Variants in SEC22A observed in about 807,000 individuals in gnomAD.
SEC22A encodes the protein SEC22 homolog A, vesicle trafficking protein, also known as vesicle-trafficking protein SEC22a.
Under a neutral mutation model 35.3 loss-of-function variants are expected in SEC22A, and 22 were observed. The observed-to-expected ratio is 0.62, with a 90% CI of 0.45 to 0.89. The LOEUF (loss-of-function observed/expected upper bound fraction) is 0.89. SEC22A is among the 40% of genes least tolerant of loss of function. SEC22A has a pLI of 0.00. For synonymous variants in SEC22A, 119 were observed against 129.5 expected (o/e 0.92, Z 0.55); for missense variants, 354 against 362.5 (o/e 0.98, Z 0.19).
At chr3:123,246,652 T>G (rs1011314181) in intron 5 of SEC22A, among the ~76,000 whole-genome samples, 1 of 152,352 alleles carries the variant, frequency 6.6e-6, no homozygotes, top group Non-Finnish European at 1.5e-5. Flanking sequence ...ATTTTTTCTC[T>G]TATGCTTTTT....
At position 123,245,919 on chromosome 3, in the gene SEC22A, G is replaced by C; in HGVS notation, c.562G>C (p.Ala188Pro). ...TCCAGCTCACCAGCGACTGGAACCAGCAACTCTGTCAGGGATTGTAGGATT... is the reference window on the plus strand; with the variant it reads ...TCCAGCTCACCAGCGACTGGAACCACCAACTCTGTCAGGGATTGTAGGATT... Reference protein sequence around the residue: ...ISSAHQRLEPATLSGIVGFIL... With the variant: ...ISSAHQRLEPPTLSGIVGFIL... The change falls in exon 5 of 7, where the codon GCA becomes CCA. Residue 188 changes from alanine to proline, a missense_variant. Ala to Pro is a conservative substitution (Grantham distance 27). Coordinates refer to ENST00000492595, the MANE Select transcript of SEC22A (RefSeq NM_012430.5). The C allele has an allele frequency of 6.2e-7, 1 of 1,608,404 alleles. No homozygotes were observed. Among genetic ancestry groups the C allele is most frequent in the Non-Finnish European group, 8.5e-7 (1 of 1,175,762 alleles).
chr3:123,227,114 G>A (rs1371533658), intron 4 of SEC22A, among the ~76,000 whole-genome samples: 1 of 151,952 alleles, frequency 6.6e-6, no homozygotes, highest in Non-Finnish European at 1.5e-5. Context: ...CAACAGTTGT[G>A]AAATGATATA....
intron 6 of SEC22A, 119 bp from the exon 7 acceptor site, chr3:123,271,403 T>TA: frequency 1.3e-6 from 1 of 749,088 alleles, no homozygotes; most frequent in Non-Finnish European, 2.2e-6. Context: ...TATCCCTAGA[T>TA]AAAAAATAAC....
chr3:123,233,336 G>A (rs1001343751), intron 4 of SEC22A, among the ~76,000 whole-genome samples: 2 of 152,096 alleles, frequency 1.3e-5, no homozygotes, highest in African/African-American at 4.8e-5. Flanking sequence ...GGAGCAATAG[G>A]CTATACCATA....
At chr3:123,213,643 CAG>C (rs1936976707) in intron 2 of SEC22A, among the ~76,000 whole-genome samples, 1 of 152,022 alleles carries the variant, frequency 6.6e-6, no homozygotes, top group African/African-American at 2.4e-5. Context: ...CTCTTTATAA[CAG>C]GGTTGTAACT....
chr3:123,250,075 A>G (rs1937598826), intron 5 of SEC22A, among the ~76,000 whole-genome samples: 1 of 152,180 alleles, frequency 6.6e-6, no homozygotes, highest in African/African-American at 2.4e-5. Flanking sequence ...TAAAAAGTCT[A>G]TTTTAAAAAT....
chr3:123,203,800 T>C (rs2041625407), intron 1 of SEC22A, among the ~76,000 whole-genome samples: 1 of 152,100 alleles, frequency 6.6e-6, no homozygotes, highest in South Asian at 2.1e-4. Flanking sequence ...AAAATGGTGG[T>C]TTTACCTACC....
chr3:123,218,310 C>T (rs1470285040), intron 2 of SEC22A, among the ~76,000 whole-genome samples: 1 of 152,042 alleles, frequency 6.6e-6, no homozygotes, highest in Non-Finnish European at 1.5e-5. Flanking sequence ...AAAAGAAAAG[C>T]AGTACCAGTA....
chr3:123,229,701 A>G lies in SEC22A; in HGVS notation c.541+4404A>G, dbSNP rs186421915. The stretch of plus-strand genomic sequence containing the variant: ...ACATGGTGAAACCCCGTCTCTACCT[A>G]AAATACAAAAATTAGCTGAGCATGG... On this transcript the variant is annotated intron_variant, in intron 4 of 6. Coordinates refer to ENST00000492595, the MANE Select transcript of SEC22A (RefSeq NM_012430.5). 2.6e-3 allele frequency among the ~76,000 whole-genome samples: 396 copies of G among 152,142 alleles called. 2 individuals carry two copies. The highest frequency in any genetic ancestry group is 9.2e-3 in the African/African-American group (380 of 41,504).
intron 5 of SEC22A, among the ~76,000 whole-genome samples, chr3:123,251,246 T>G (rs1937610400): frequency 6.6e-6 from 1 of 152,196 alleles, no homozygotes; most frequent in Non-Finnish European, 1.5e-5. Context: ...TGGTGGAGTG[T>G]GAAAGAAGCA....
chr3:123,255,721 T>G (rs1333876567), intron 5 of SEC22A, among the ~76,000 whole-genome samples: 2 of 152,158 alleles, frequency 1.3e-5, no homozygotes, highest in Admixed American at 1.3e-4. Flanking sequence ...TCTAAAAATA[T>G]GTAGGAGTTT....
At chr3:123,207,268 G>C (rs1352758441) in intron 1 of SEC22A, among the ~76,000 whole-genome samples, 1 of 152,148 alleles carries the variant, frequency 6.6e-6, no homozygotes, top group African/African-American at 2.4e-5. Context: ...TCACACAGCA[G>C]TGAAAACTAT....
rs568278097 is a variant in SEC22A at position 123,273,086 on chromosome 3, A to G, written c.*1364A>G. The G allele has an allele frequency of 3.3e-5, 5 of 153,296 alleles. No individual in the cohort carries two copies. In the South Asian group the frequency reaches 1.0e-3, roughly 32 times the overall value. The allele number at this position is 153,296 out of a possible 1,614,324, so 9.5% of individuals were successfully genotyped here. ...TTTTCCTTTGTTTTTTAAAGAAAAT[A>G]TTTCAAACAAGGAATTCATAGGATA... On this transcript the variant is annotated 3_prime_UTR_variant, in exon 7 of 7. Coordinates refer to ENST00000492595, the MANE Select transcript of SEC22A (RefSeq NM_012430.5).
chr3:123,215,857 C>T (rs557578385), intron 2 of SEC22A, among the ~76,000 whole-genome samples: 1 of 152,194 alleles, frequency 6.6e-6, no homozygotes, highest in Non-Finnish European at 1.5e-5. Flanking sequence ...GAAATACCAC[C>T]CCCCTCTTTT....
rs184320938 is a variant in SEC22A, at chr3:123,258,519, G to A, written c.658-1005G>A. ...GGTGTTGGCCTTCCTTGCCTCTGGG[G>A]TGCAACTGGCCTGAGCATCCCAGGC... On this transcript the variant is annotated intron_variant, in intron 5 of 6. Coordinates refer to ENST00000492595, the MANE Select transcript of SEC22A (RefSeq NM_012430.5). Among the ~76,000 whole-genome samples, 322 of 152,222 alleles carry A rather than the reference G, an allele frequency of 2.1e-3. 2 individuals carry two copies. The highest frequency in any genetic ancestry group is 7.3e-3 in the African/African-American group (304 of 41,536).
intron 2 of SEC22A, among the ~76,000 whole-genome samples, chr3:123,222,983 C>T (rs1937155758): frequency 6.6e-6 from 1 of 152,220 alleles, no homozygotes; most frequent in Admixed American, 6.5e-5. Context: ...CTGCTTTAAG[C>T]CATAGCCCTC....
At chr3:123,235,623 A>C (rs1937405391) in intron 4 of SEC22A, among the ~76,000 whole-genome samples, 1 of 152,242 alleles carries the variant, frequency 6.6e-6, no homozygotes, top group Non-Finnish European at 1.5e-5. Flanking sequence ...ACAGTTTGGA[A>C]GTTCCTCAAA....
At chr3:123,221,377 A>G (rs1189141745) in intron 2 of SEC22A, among the ~76,000 whole-genome samples, 1 of 147,876 alleles carries the variant, frequency 6.8e-6, no homozygotes, top group Non-Finnish European at 1.5e-5. Flanking sequence ...AGGCTGAGAC[A>G]GGAGAATCGC....
intron 1 of SEC22A, among the ~76,000 whole-genome samples, chr3:123,204,110 A>G (rs1484192120): frequency 6.6e-6 from 1 of 152,206 alleles, no homozygotes; most frequent in African/African-American, 2.4e-5. Flanking sequence ...GTACTGTCAC[A>G]TATGCAAGAT....
Sources: allele counts gnomAD v4.1 joint callset (sites outside exome capture counted in the v4.1 genomes callset), GRCh38; gene constraint gnomAD v4.1.1; transcripts MANE v1.5; gene names NCBI Gene and HGNC (gene_info 2026-07-23, HGNC 2026-07-21).